The following GPC6 variants were observed in gnomAD, a reference collection of about 807,000 sequenced individuals.
GPC6 encodes glypican 6, also known as glypican-6.
Under a neutral mutation model 55.2 loss-of-function variants are expected in GPC6, and 14 were observed. The ratio of observed to expected loss-of-function variants is 0.25; its 90% confidence interval spans 0.17 to 0.40. GPC6 has a LOEUF of 0.40. Ranked by LOEUF, GPC6 falls within the 10% of genes least tolerant of loss-of-function variation. The probability of loss-of-function intolerance (pLI) is 1.00; values close to 1 mark genes in which losing one functional copy is unlikely to be tolerated. For missense variants in GPC6, 641 were observed against 708.5 expected, an observed-to-expected ratio of 0.90 and a Z score of 1.08; for synonymous variants, 278 against 259.6, an observed-to-expected ratio of 1.07 and a Z score of -0.68.
intron 2 of GPC6, among the ~76,000 whole-genome samples, chr13:93,776,650 A>C (rs1301439689): frequency 9.2e-5 from 14 of 152,236 alleles, no homozygotes; most frequent in Non-Finnish European, 4.4e-5. Context: ...TTTTAAAGCC[A>C]GCACAAATGT....
intron 2 of GPC6, among the ~76,000 whole-genome samples, chr13:93,720,968 T>C (rs554701867): frequency 1.3e-5 from 2 of 151,956 alleles, no homozygotes; most frequent in Non-Finnish European, 2.9e-5. Flanking sequence ...TGCTGAGGAG[T>C]GTTTTACTTC....
chr13:93,493,476 C>T (rs1880118600), intron 1 of GPC6, among the ~76,000 whole-genome samples: 1 of 110,106 alleles, frequency 9.1e-6, no homozygotes, highest in Non-Finnish European at 1.9e-5. Context: ...AAAACCAGCT[C>T]CTGGATTCCT....
At chr13:94,365,113 G>A (rs1374606006) in intron 6 of GPC6, among the ~76,000 whole-genome samples, 1 of 152,204 alleles carries the variant, frequency 6.6e-6, no homozygotes, top group South Asian at 2.1e-4. Flanking sequence ...CCTGCAGCTG[G>A]GAGGGAGGCC....
chr13:93,579,704 A>G (rs1200358629), intron 2 of GPC6, among the ~76,000 whole-genome samples: 3 of 152,184 alleles, frequency 2.0e-5, no homozygotes, highest in Non-Finnish European at 2.9e-5. Flanking sequence ...GAAGTCTACA[A>G]TTAAATTTCA....
chr13:94,310,972 G>A (rs1876214274), intron 6 of GPC6, among the ~76,000 whole-genome samples: 2 of 152,198 alleles, frequency 1.3e-5, no homozygotes, highest in South Asian at 4.1e-4. Context: ...TCCATTAGCT[G>A]AGACATAGAA....
chr13:94,386,422 C>T (rs1039886693), intron 7 of GPC6, among the ~76,000 whole-genome samples: 1 of 150,964 alleles, frequency 6.6e-6, no homozygotes, highest in South Asian at 2.1e-4. Context: ...GAGACCCTGT[C>T]TCTACAAAAA....
chr13:94,346,796 G>C (rs1219713081), intron 6 of GPC6, among the ~76,000 whole-genome samples: 2 of 151,984 alleles, frequency 1.3e-5, no homozygotes, highest in Non-Finnish European at 2.9e-5. Flanking sequence ...ATGGAGACAG[G>C]GGGAGGTCTT....
intron 2 of GPC6, among the ~76,000 whole-genome samples, chr13:93,667,168 A>G (rs1178664581): frequency 1.3e-5 from 2 of 152,234 alleles, no homozygotes; most frequent in Non-Finnish European, 2.9e-5. Flanking sequence ...AGTAGCTTAA[A>G]TAAAAAGCTG....
intron 2 of GPC6, among the ~76,000 whole-genome samples, chr13:93,615,576 G>A (rs1028188293): frequency 2.0e-5 from 3 of 152,054 alleles, no homozygotes; most frequent in Admixed American, 6.6e-5. Context: ...CATAGATCAC[G>A]CATCAACATA....
At chr13:93,708,871 C>T (rs1035531886) in intron 2 of GPC6, among the ~76,000 whole-genome samples, 1 of 151,710 alleles carries the variant, frequency 6.6e-6, no homozygotes, top group South Asian at 2.1e-4. Context: ...ATGCTGAGCT[C>T]ATTAGTAACA....
At chr13:94,356,732 A>G (rs1878814375) in intron 6 of GPC6, among the ~76,000 whole-genome samples, 1 of 152,074 alleles carries the variant, frequency 6.6e-6, no homozygotes, top group Non-Finnish European at 1.5e-5. Context: ...TGAGAAGTAG[A>G]GCCTAATTAA....
At position 93,825,896 on chromosome 13, in the gene GPC6, T is replaced by A. The variant is rs1309200635; in HGVS notation, c.320-4258T>A. Among the ~76,000 whole-genome samples, 10 of 148,514 alleles carry A rather than the reference T, an allele frequency of 6.7e-5. No homozygotes were observed. The East Asian group carries it at 1.8e-3, about 27-fold the overall frequency. On this transcript the variant is annotated intron_variant, in intron 2 of 8. Transcript: ENST00000377047. ...TTTTTTTTTGAGATGGATCTTGCTC[T>A]GTCCCCCAGGCTGAAGTGCAGCAGT...
intron 3 of GPC6, among the ~76,000 whole-genome samples, chr13:93,989,070 A>C (rs929010285): frequency 1.3e-5 from 2 of 152,156 alleles, no homozygotes; most frequent in African/African-American, 4.8e-5. Context: ...AATGCTTTTC[A>C]TACAATTGGA....
chr13:94,300,303 A>G (rs553590221), intron 5 of GPC6, among the ~76,000 whole-genome samples: 8 of 152,356 alleles, frequency 5.3e-5, no homozygotes, highest in African/African-American at 1.7e-4. Context: ...ATAAAGCTAC[A>G]TGTGCCTCCA....
At chr13:94,095,972 C>T (rs534216528) in intron 4 of GPC6, among the ~76,000 whole-genome samples, 2 of 152,048 alleles carry the variant, frequency 1.3e-5, no homozygotes, top group African/African-American at 4.8e-5. Flanking sequence ...AGAATGCCAC[C>T]CAAATGGAGA....
At chr13:94,218,330 T>G (rs1211655523) in intron 4 of GPC6, among the ~76,000 whole-genome samples, 1 of 152,144 alleles carries the variant, frequency 6.6e-6, no homozygotes, top group Admixed American at 6.6e-5. Context: ...AATCAAACTG[T>G]CCATTCACAT....
chr13:94,047,731 T>C lies in GPC6; in HGVS notation c.877+19837T>C, dbSNP rs139583457. ...TTAACCAGTCTAACTTAAAAGCCTC[T>C]TTAAATTACCAAAACCAGAGCAGTA... On this transcript the variant is annotated intron_variant, in intron 4 of 8. Coordinates refer to ENST00000377047, the MANE Select transcript of GPC6 (RefSeq NM_005708.5). 2.3e-3 allele frequency among the ~76,000 whole-genome samples: 343 copies of C among 152,272 alleles called. 3 individuals are homozygous for C. The highest frequency in any genetic ancestry group is 7.6e-3 in the African/African-American group (317 of 41,574).
intron 3 of GPC6, among the ~76,000 whole-genome samples, chr13:93,850,570 T>C (rs539362863): frequency 2.0e-5 from 3 of 152,090 alleles, no homozygotes; most frequent in South Asian, 2.1e-4. Context: ...ACAAGGTATA[T>C]GCAACTGCTG....
At position 93,789,618 on chromosome 13, in the gene GPC6, T is replaced by C. The variant is rs1260590580; in HGVS notation, c.320-40536T>C. Among the ~76,000 whole-genome samples the C allele has an allele frequency of 9.9e-4, 47 of 47,372 alleles. 2 individuals are homozygous for C. The highest frequency in any genetic ancestry group is 8.2e-3 in the Middle Eastern group (1 of 122). 31.1% of individuals were successfully genotyped at this position (47,372 alleles called of 152,430 possible). On this transcript the variant is annotated intron_variant, in intron 2 of 8. Coordinates refer to ENST00000377047, the MANE Select transcript of GPC6 (RefSeq NM_005708.5). ...TACTACATATATATATATATATATA[T>C]ATATATATATATATATATATATATA...
Sources: allele counts gnomAD v4.1 joint callset (sites outside exome capture counted in the v4.1 genomes callset), GRCh38; gene constraint gnomAD v4.1.1; transcripts MANE v1.5; gene names NCBI Gene and HGNC (gene_info 2026-07-23, HGNC 2026-07-21).